MACROD2: variants seen among roughly 807,000 people sequenced by gnomAD.
MACROD2 encodes mono-ADP ribosylhydrolase 2, also known as ADP-ribose glycohydrolase MACROD2.
A neutral mutation model predicts 70.4 loss-of-function variants in MACROD2; 36 were observed. That is an observed-to-expected ratio of 0.51 (90% CI 0.39 to 0.68). MACROD2 has a LOEUF of 0.68. Ranked by LOEUF, MACROD2 falls within the 30% of genes least tolerant of loss-of-function variation. The probability of loss-of-function intolerance (pLI) is 0.00; values close to 1 mark genes in which losing one functional copy is unlikely to be tolerated. For missense variants in MACROD2, 496 were observed against 538.4 expected (o/e 0.92, Z 0.78); for synonymous variants, 172 against 178.8 (o/e 0.96, Z 0.30).
intron 5 of MACROD2, among the ~76,000 whole-genome samples, chr20:14,940,148 CAAAAAAAAA>C (rs57697517): frequency 0.056 from 3,061 of 55,140 alleles, 109 homozygotes; most frequent in African/African-American, 0.13. Flanking sequence ...CTCATCTCTG[CAAAAAAAAA>C]AAAAAAAAAA....
intron 2 of MACROD2, among the ~76,000 whole-genome samples, chr20:14,017,250 G>A (rs556708501): frequency 3.4e-4 from 51 of 152,142 alleles, no homozygotes; most frequent in Admixed American, 2.8e-3. Flanking sequence ...CTGCATTTAC[G>A]ATCATGTCAT....
chr20:14,199,831 A>T (rs533453867), intron 3 of MACROD2, among the ~76,000 whole-genome samples: 1 of 152,302 alleles, frequency 6.6e-6, no homozygotes, highest in African/African-American at 2.4e-5. Context: ...AAAATGAAAA[A>T]CAAAAATGAG....
chr20:14,465,612 C>T (rs1371200234), intron 3 of MACROD2, among the ~76,000 whole-genome samples: 1 of 152,056 alleles, frequency 6.6e-6, no homozygotes, highest in African/African-American at 2.4e-5. Context: ...TTAGTTGATG[C>T]AGTTTCTTCC....
chr20:14,511,968 A>AG (rs2085035987), intron 4 of MACROD2, among the ~76,000 whole-genome samples: 1 of 151,980 alleles, frequency 6.6e-6, no homozygotes, highest in Admixed American at 6.6e-5. Context: ...TAAAATCTGG[A>AG]GGGGGAAAAA....
intron 8 of MACROD2, among the ~76,000 whole-genome samples, chr20:15,636,422 A>C (rs1033963736): frequency 2.6e-5 from 4 of 152,204 alleles, no homozygotes; most frequent in Non-Finnish European, 5.9e-5. Flanking sequence ...CTCAGAAGAC[A>C]ATGTGATTCT....
chr20:15,039,133 A>G (rs963819171), intron 5 of MACROD2, among the ~76,000 whole-genome samples: 2 of 152,212 alleles, frequency 1.3e-5, no homozygotes, highest in African/African-American at 4.8e-5. Flanking sequence ...CCAAAGACCC[A>G]GGGAAAACTG....
At position 15,841,171 on chromosome 20, in the gene MACROD2, G is replaced by A. The variant is rs77725186; in HGVS notation, c.646-21574G>A. Among the ~76,000 whole-genome samples the A allele has an allele frequency of 1.6e-4, 24 of 152,236 alleles. No individual in the cohort carries two copies. The East Asian group carries it at 4.6e-3, about 29-fold the overall frequency. ...GGCCCACACTAAGTTGTGAGAAACA[G>A]AATGAGCTAAGCAAAGGGAAAACAG... On this transcript the variant is annotated intron_variant, in intron 8 of 17. Transcript: ENST00000684519.
intron 5 of MACROD2, among the ~76,000 whole-genome samples, chr20:14,944,163 T>C (rs1057269631): frequency 6.6e-6 from 1 of 151,906 alleles, no homozygotes; most frequent in Non-Finnish European, 1.5e-5. Flanking sequence ...ATTTTTGTGA[T>C]GTTAAAATAT....
chr20:15,231,126 T>G (rs1235621498), intron 6 of MACROD2, among the ~76,000 whole-genome samples: 5 of 152,128 alleles, frequency 3.3e-5, no homozygotes, highest in African/African-American at 1.2e-4. Flanking sequence ...AATGCAACAT[T>G]GGTGATTCTG....
chr20:14,588,440 C>T (rs546193728), intron 4 of MACROD2, among the ~76,000 whole-genome samples: 5 of 152,208 alleles, frequency 3.3e-5, no homozygotes, highest in African/African-American at 1.2e-4. Flanking sequence ...GACAGCTTTA[C>T]TTTTATAATT....
chr20:15,366,248 T>C (rs1361007712), intron 6 of MACROD2, among the ~76,000 whole-genome samples: 1 of 152,188 alleles, frequency 6.6e-6, no homozygotes, highest in East Asian at 1.9e-4. Flanking sequence ...GTTTCCAATC[T>C]CCTTTTTTTC....
At chr20:14,363,100 CTGGG>C (rs1207781934) in intron 3 of MACROD2, among the ~76,000 whole-genome samples, 1 of 152,096 alleles carries the variant, frequency 6.6e-6, no homozygotes, top group East Asian at 1.9e-4. Flanking sequence ...ACCTCTTCAC[CTGGG>C]GTTTGGAGGC....
intron 3 of MACROD2, among the ~76,000 whole-genome samples, chr20:14,416,842 T>C (rs977295583): frequency 9.2e-5 from 14 of 152,212 alleles, no homozygotes; most frequent in African/African-American, 3.1e-4. Flanking sequence ...CAGTTGGGCA[T>C]GGGAAAGATG....
intron 5 of MACROD2, among the ~76,000 whole-genome samples, chr20:15,103,272 A>G (rs1165665509): frequency 6.6e-6 from 1 of 152,128 alleles, no homozygotes; most frequent in Non-Finnish European, 1.5e-5. Flanking sequence ...CTTCATAGTC[A>G]CACGGTGGCT....
chr20:14,180,060 A>G (rs891114107), intron 3 of MACROD2, among the ~76,000 whole-genome samples: 1 of 152,204 alleles, frequency 6.6e-6, no homozygotes, highest in African/African-American at 2.4e-5. Flanking sequence ...CGCTGTACCC[A>G]TTAAACAATA....
At chr20:15,167,293 T>C (rs2076392446) in intron 5 of MACROD2, among the ~76,000 whole-genome samples, 1 of 152,216 alleles carries the variant, frequency 6.6e-6, no homozygotes, top group Non-Finnish European at 1.5e-5. Context: ...CTTCTCTTAA[T>C]AGTGCTCTTT....
At chr20:14,883,149 G>A (rs1319589160) in intron 5 of MACROD2, among the ~76,000 whole-genome samples, 1 of 152,054 alleles carries the variant, frequency 6.6e-6, no homozygotes, top group African/African-American at 2.4e-5. Flanking sequence ...TCATGTCTTT[G>A]GGTAGAGAAA....
chr20:15,558,253 G>C (rs1394507284), intron 8 of MACROD2, among the ~76,000 whole-genome samples: 1 of 152,162 alleles, frequency 6.6e-6, no homozygotes, highest in African/African-American at 2.4e-5. Flanking sequence ...ATTCCATTCT[G>C]ATTATCCTGC....
chr20:14,395,535 G>T (rs191881141), intron 3 of MACROD2, among the ~76,000 whole-genome samples: 16 of 151,826 alleles, frequency 1.1e-4, no homozygotes, highest in African/African-American at 3.9e-4. Context: ...TTCTCAAACA[G>T]CAGCTTTTGA....
Sources: gnomAD v4.1 joint callset for allele counts (sites outside exome capture counted in the v4.1 genomes callset) on GRCh38, gnomAD v4.1.1 for gene constraint, MANE v1.5 for transcripts, NCBI Gene and HGNC (gene_info 2026-07-23, HGNC 2026-07-21) for gene names.